VPS26C: variants seen among roughly 807,000 people sequenced by gnomAD.
The protein encoded by VPS26C is VPS26 endosomal protein sorting factor C.
VPS26C carries 19 observed loss-of-function variants against 30.6 expected under a neutral mutation model. That is an observed-to-expected ratio of 0.62 (90% CI 0.43 to 0.91). The LOEUF (loss-of-function observed/expected upper bound fraction) is 0.91, where lower values mean the gene tolerates loss of function less well. Among genes scored for constraint, VPS26C ranks in the 40% least tolerant of loss-of-function variants. VPS26C has a pLI of 0.00. For synonymous variants in VPS26C, 132 were observed against 151.5 expected (o/e 0.87, Z 0.95); for missense variants, 318 against 385.1 (o/e 0.83, Z 1.46).
chr21:37,237,812 C>T (rs2086040601), intron 3 of VPS26C: 2 of 152,222 alleles, frequency 1.3e-5, no homozygotes, highest in Admixed American at 1.3e-4. Flanking sequence ...TCCTGACTTT[C>T]ATCCCTCTTG....
Position 37,225,382 on chromosome 21 carries a change from A to G in VPS26C, c.*162T>C, listed in dbSNP as rs1330392310. 1 of 643,264 alleles carries G rather than the reference A, an allele frequency of 1.6e-6. No homozygotes were observed. Among genetic ancestry groups the G allele is most frequent in the South Asian group, 1.8e-5 (1 of 54,402 alleles). The allele number at this position is 643,264 out of a possible 1,614,324, so 39.8% of individuals were successfully genotyped here. A position where few individuals can be genotyped will look rare whatever the true frequency, so the allele number is the denominator to read the frequency against. ...GTGCCTGTTGGAAGCAGAAGCCTCA[A>G]GAAATGAGGAAGGAAAGTTAATTTG... On this transcript the variant is annotated 3_prime_UTR_variant, in exon 8 of 8. Coordinates refer to ENST00000309117, the MANE Select transcript of VPS26C (RefSeq NM_006052.2).
At chr21:37,236,186 CTATGT>C (rs770494413) in intron 3 of VPS26C, among the ~76,000 whole-genome samples, 174 of 152,178 alleles carry the variant, frequency 1.1e-3, no homozygotes, top group Non-Finnish European at 2.1e-3. Context: ...AGAAATGTGC[CTATGT>C]TAACCTTTAG....
At chr21:37,266,440 A>G (rs2086362655) in intron 1 of VPS26C, among the ~76,000 whole-genome samples, 3 of 152,142 alleles carry the variant, frequency 2.0e-5, no homozygotes, top group Admixed American at 2.0e-4. Context: ...CCCTAGCTGC[A>G]CATATATCAC....
intron 1 of VPS26C, among the ~76,000 whole-genome samples, chr21:37,256,373 A>G (rs147409253): frequency 2.6e-5 from 4 of 152,370 alleles, no homozygotes; most frequent in Non-Finnish European, 5.9e-5. Context: ...ATTCTCACTT[A>G]AAGTAGAACA....
Position 37,225,634 on chromosome 21 carries a change from G to A in VPS26C, c.812-8C>T, listed in dbSNP as rs374638300. 6.2e-7 allele frequency: 1 copy of A among 1,611,974 alleles called. No individual in the cohort carries two copies. Among genetic ancestry groups the A allele is most frequent in the South Asian group, 1.1e-5 (1 of 91,006 alleles). On this transcript the variant is annotated splice_region_variant and splice_polypyrimidine_tract_variant and intron_variant, in intron 7 of 7. Coordinates refer to ENST00000309117, the MANE Select transcript of VPS26C (RefSeq NM_006052.2). ...CGATGTTAACCTCAAATTCTGAGAA[G>A]AGAAGAGAGGGTGGGTTTGTGCTCA...
At chr21:37,247,066 G>A (rs1486863147) in intron 1 of VPS26C, among the ~76,000 whole-genome samples, 1 of 152,186 alleles carries the variant, frequency 6.6e-6, no homozygotes, top group Non-Finnish European at 1.5e-5. Flanking sequence ...ACACTTTTCA[G>A]TATGGTAGCT....
In VPS26C at chr21:37,267,219, ACCCCCAG is replaced by A; in HGVS notation, c.57+12_57+18del. The A allele has an allele frequency of 4.4e-6, 1 of 225,502 alleles. No individual in the cohort carries two copies. Among genetic ancestry groups the A allele is most frequent in the Non-Finnish European group, 8.3e-6 (1 of 121,152 alleles). 14.0% of individuals were successfully genotyped at this position (225,502 alleles called of 1,614,324 possible). On this transcript the variant is annotated intron_variant, in intron 1 of 7. Transcript: ENST00000309117. ...CCCGCCCAACCCCACCTCCATCCCCACCCCCAGCCCCCACTTACCCCGGCGTGATAAA... is the reference window on the plus strand; with the variant it reads ...CCCGCCCAACCCCACCTCCATCCCCACCCCCACTTACCCCGGCGTGATAAA...
intron 1 of VPS26C, among the ~76,000 whole-genome samples, chr21:37,245,930 G>A (rs539537420): frequency 6.6e-6 from 1 of 151,976 alleles, no homozygotes; most frequent in African/African-American, 2.4e-5. Flanking sequence ...AACCACCACA[G>A]AAAATAAATT....
intron 1 of VPS26C, among the ~76,000 whole-genome samples, chr21:37,256,722 G>A (rs1183302816): frequency 6.6e-6 from 1 of 152,184 alleles, no homozygotes; most frequent in African/African-American, 2.4e-5. Flanking sequence ...ATGTAAACAT[G>A]TCCATAAAGT....
At chr21:37,263,102 T>A (rs752939345) in intron 1 of VPS26C, among the ~76,000 whole-genome samples, 2 of 152,162 alleles carry the variant, frequency 1.3e-5, no homozygotes, top group Non-Finnish European at 2.9e-5. Flanking sequence ...TTTTAAATGC[T>A]TCAACTGTAA....
At chr21:37,266,939 G>T (rs144891624) in intron 1 of VPS26C, 2 of 447,310 alleles carry the variant, frequency 4.5e-6, no homozygotes, top group Non-Finnish European at 3.9e-6. Flanking sequence ...CAACACCGCC[G>T]GGTGTTCAAG....
chr21:37,239,054 G>A (rs750946727), intron 2 of VPS26C, among the ~76,000 whole-genome samples: 3 of 152,102 alleles, frequency 2.0e-5, no homozygotes, highest in Non-Finnish European at 4.4e-5. Context: ...AGCTTCCTCG[G>A]AGCCTTCCTG....
intron 5 of VPS26C, chr21:37,229,188 G>T: frequency 6.6e-6 from 1 of 152,648 alleles, no homozygotes; most frequent in South Asian, 2.1e-4. Flanking sequence ...GACTGATGAT[G>T]GTCTAGAGCA....
At chr21:37,255,176 T>C (rs2086229898) in intron 1 of VPS26C, among the ~76,000 whole-genome samples, 1 of 152,200 alleles carries the variant, frequency 6.6e-6, no homozygotes, top group Admixed American at 6.5e-5. Context: ...AAAAGCTTAG[T>C]TTTTTTCCTG....
intron 2 of VPS26C, among the ~76,000 whole-genome samples, chr21:37,239,743 C>CA (rs2086065724): frequency 6.6e-6 from 1 of 151,726 alleles, no homozygotes; most frequent in South Asian, 2.1e-4. Flanking sequence ...AGCTGGGGCA[C>CA]ACGCCATCAC....
intron 7 of VPS26C, chr21:37,227,013 G>T (rs1049641020): frequency 7.2e-5 from 11 of 152,230 alleles, no homozygotes; most frequent in African/African-American, 2.7e-4. Flanking sequence ...CAATGTTAAG[G>T]GAAAAAGGCA....
intron 1 of VPS26C, among the ~76,000 whole-genome samples, chr21:37,262,961 C>T (rs28544346): frequency 0.38 from 57,576 of 151,640 alleles, 11,168 homozygotes; most frequent in East Asian, 0.54. Context: ...GATGAGGTTT[C>T]GCCACGTTGG....
chr21:37,235,067 C>T (rs1168982915), intron 3 of VPS26C, among the ~76,000 whole-genome samples: 2 of 151,658 alleles, frequency 1.3e-5, no homozygotes, highest in Non-Finnish European at 2.9e-5. Context: ...AGTGCGATGG[C>T]GTGATCTCGG....
intron 1 of VPS26C, among the ~76,000 whole-genome samples, chr21:37,258,114 C>G (rs952579661): frequency 3.3e-5 from 5 of 152,282 alleles, no homozygotes; most frequent in Non-Finnish European, 5.9e-5. Flanking sequence ...GCCGTGAGAT[C>G]TGCCTGCAGC....
Sources: gnomAD v4.1 joint callset for allele counts (sites outside exome capture counted in the v4.1 genomes callset) on GRCh38, gnomAD v4.1.1 for gene constraint, MANE v1.5 for transcripts, NCBI Gene and HGNC (gene_info 2026-07-23, HGNC 2026-07-21) for gene names.